ORC5: variants seen among roughly 807,000 people sequenced by gnomAD.
ORC5 encodes the protein origin recognition complex subunit 5, also known as protein phosphatase 1, regulatory subunit 117.
In ORC5, 39 loss-of-function variants were observed where a neutral mutation model predicts 58.8. The observed-to-expected ratio is 0.66, with a 90% CI of 0.51 to 0.87. The LOEUF (loss-of-function observed/expected upper bound fraction) is 0.87. ORC5 is among the 40% of genes least tolerant of loss of function. The pLI is 0.00. For synonymous variants in ORC5, 218 were observed against 177.6 expected, an observed-to-expected ratio of 1.23 and a Z score of -1.81; for missense variants, 493 against 506.3, an observed-to-expected ratio of 0.97 and a Z score of 0.25.
At position 104,190,226 on chromosome 7, in the gene ORC5, C is replaced by T. The variant is rs139818993; in HGVS notation, c.554-1845G>A. Among the ~76,000 whole-genome samples, 817 of 151,892 alleles carry T rather than the reference C, an allele frequency of 5.4e-3. 10 individuals are homozygous for T. Among genetic ancestry groups the T allele is most frequent in the African/African-American group, 0.019 (774 of 41,442 alleles). Reference sequence around the variant, plus strand: ...AAGAAAATCTCAACAACCTTATTACCGGCAAAATCAGTAACAAGGGAAAAA... The same window carrying T: ...AAGAAAATCTCAACAACCTTATTACTGGCAAAATCAGTAACAAGGGAAAAA... On this transcript the variant is annotated intron_variant, in intron 5 of 13. Coordinates refer to ENST00000297431, the MANE Select transcript of ORC5 (RefSeq NM_002553.4).
chr7:104,147,948 T>C (rs1305993193), intron 12 of ORC5, among the ~76,000 whole-genome samples: 1 of 152,174 alleles, frequency 6.6e-6, no homozygotes, highest in Non-Finnish European at 1.5e-5. Context: ...CATATGTGTT[T>C]TGGCATTTAC....
chr7:104,127,993 T>TA (rs1798455691), intron 13 of ORC5, among the ~76,000 whole-genome samples: 1 of 152,164 alleles, frequency 6.6e-6, no homozygotes, highest in Admixed American at 6.5e-5. Flanking sequence ...CTAAAAAGTT[T>TA]AAAAAAAATC....
At chr7:104,175,663 G>T (rs991850190) in intron 8 of ORC5, among the ~76,000 whole-genome samples, 1 of 152,188 alleles carries the variant, frequency 6.6e-6, no homozygotes, top group African/African-American at 2.4e-5. Flanking sequence ...CTTGAGCTCA[G>T]AGCAATAATA....
At chr7:104,173,845 C>CTT (rs71154394) in intron 8 of ORC5, among the ~76,000 whole-genome samples, 6,405 of 110,766 alleles carry the variant, frequency 0.058, 614 homozygotes, top group African/African-American at 0.23. Flanking sequence ...AAAATTTTTT[C>CTT]TTTTTTTTTT....
intron 12 of ORC5, among the ~76,000 whole-genome samples, chr7:104,150,309 A>C (rs1299225329): frequency 6.6e-6 from 1 of 152,138 alleles, no homozygotes; most frequent in Non-Finnish European, 1.5e-5. Context: ...AAACATATTA[A>C]ATTATTTAAA....
chr7:104,162,770 T>C (rs903964949), intron 11 of ORC5, among the ~76,000 whole-genome samples: 3 of 152,200 alleles, frequency 2.0e-5, no homozygotes, highest in African/African-American at 7.2e-5. Flanking sequence ...TTAGATCACA[T>C]TACAGATAAG....
chr7:104,143,023 T>G (rs1482919379), intron 12 of ORC5, among the ~76,000 whole-genome samples: 1 of 152,214 alleles, frequency 6.6e-6, no homozygotes, highest in East Asian at 1.9e-4. Flanking sequence ...AACATAGTCT[T>G]TTATTGCTAA....
intron 13 of ORC5, among the ~76,000 whole-genome samples, chr7:104,131,548 A>C (rs901112616): frequency 3.9e-5 from 6 of 152,194 alleles, no homozygotes; most frequent in Non-Finnish European, 8.8e-5. Flanking sequence ...TAACCCCTTC[A>C]GCAGTTATAA....
chr7:104,163,489 G>C (rs1250241148), intron 11 of ORC5, among the ~76,000 whole-genome samples: 3 of 152,028 alleles, frequency 2.0e-5, no homozygotes, highest in Non-Finnish European at 4.4e-5. Context: ...GTTTTGTTTT[G>C]TTTGTTTGTC....
intron 11 of ORC5, among the ~76,000 whole-genome samples, chr7:104,164,151 A>G (rs1305452402): frequency 4.6e-5 from 7 of 152,134 alleles, no homozygotes; most frequent in Non-Finnish European, 1.0e-4. Context: ...TGGGCATGGT[A>G]GCTCATGCCT....
chr7:104,147,668 T>A (rs1185974569), intron 12 of ORC5, among the ~76,000 whole-genome samples: 1 of 152,124 alleles, frequency 6.6e-6, no homozygotes, highest in African/African-American at 2.4e-5. Flanking sequence ...AATCCAAAAG[T>A]CCCAATGAAA....
At chr7:104,207,802 C>T (rs372158625) in intron 1 of ORC5, 31 bp downstream of exon 1, 1 of 1,598,428 alleles carries the variant, frequency 6.3e-7, no homozygotes, top group Admixed American at 1.7e-5. Context: ...CGTCTGCCTC[C>T]AGGATCTGGA....
At chr7:104,188,059 C>T in intron 6 of ORC5, 192 bp downstream of exon 6, 1 of 993,492 alleles carries the variant, frequency 1.0e-6, no homozygotes. Context: ...TACTAACCCA[C>T]AGACATCTAC....
intron 8 of ORC5, among the ~76,000 whole-genome samples, chr7:104,172,982 T>TAAAAA (rs57266058): frequency 7.0e-6 from 1 of 142,892 alleles, no homozygotes. Flanking sequence ...CTTTCCAGGT[T>TAAAAA]AAAAAAAAAA....
rs1295203353 is a variant in ORC5, at chr7:104,133,597, T to C, written c.1262+3184A>G. ...ACAGCAATAAAGGTCAAGAATATTA[T>C]AAAAAATAGGTCTGGTCTTTAAAAA... On this transcript the variant is annotated intron_variant, in intron 13 of 13. Coordinates refer to ENST00000297431, the MANE Select transcript of ORC5 (RefSeq NM_002553.4). The surrounding 1 kb of genome is among the most constrained non-coding windows in gnomAD (Gnocchi z 4.7). Among the ~76,000 whole-genome samples the C allele has an allele frequency of 6.6e-6, 1 of 152,038 alleles. No individual in the cohort carries two copies. Among genetic ancestry groups the C allele is most frequent in the African/African-American group, 2.4e-5 (1 of 41,342 alleles).
intron 8 of ORC5, 71 bp from the exon 9 acceptor site, chr7:104,168,596 C>A (rs954670755): frequency 7.3e-6 from 7 of 958,248 alleles, no homozygotes; most frequent in Admixed American, 5.6e-5. Flanking sequence ...TAAAACAGAG[C>A]CCTAGAAAAA....
At position 104,173,838 on chromosome 7, in the gene ORC5, A is replaced by ATTTTTTTTTTTTTTTTTTTTTTTT. The variant is rs746698932; in HGVS notation, c.825-5314_825-5313insAAAAAAAAAAAAAAAAAAAAAAAA. 2.4e-5 allele frequency among the ~76,000 whole-genome samples: 3 copies of ATTTTTTTTTTTTTTTTTTTTTTTT among 122,756 alleles called. 1 individual carries two copies. The highest frequency in any genetic ancestry group is 5.7e-5 in the African/African-American group (2 of 34,992). 80.5% of individuals were successfully genotyped at this position (122,756 alleles called of 152,430 possible). On this transcript the variant is annotated intron_variant, in intron 8 of 13. Transcript: ENST00000297431. ...TTTAATCTGCATACCTGGGTTTAAAATTTTTTCTTTTTTTTTTTTTTTTTG... is the reference window on the plus strand; with the variant it reads ...TTTAATCTGCATACCTGGGTTTAAAATTTTTTTTTTTTTTTTTTTTTTTTTTTTTTCTTTTTTTTTTTTTTTTTG...
Position 104,138,001 on chromosome 7 carries a change from T to C in ORC5, c.1150-1108A>G, listed in dbSNP as rs937876935. On this transcript the variant is annotated intron_variant, in intron 12 of 13. Coordinates refer to ENST00000297431, the MANE Select transcript of ORC5 (RefSeq NM_002553.4). The surrounding 1 kb of genome is among the most constrained non-coding windows in gnomAD (Gnocchi z 4.7). The stretch of plus-strand genomic sequence containing the variant: ...CACACTGTAACACGCCCACTGCGGC[T>C]TCAGGAGCTGTAAGCATTCATCCCT... Among the ~76,000 whole-genome samples, 3 of 152,196 alleles carry C rather than the reference T, an allele frequency of 2.0e-5. No individual in the cohort carries two copies. Among genetic ancestry groups the C allele is most frequent in the Non-Finnish European group, 4.4e-5 (3 of 68,038 alleles).
chr7:104,142,175 T>C (rs979195494), intron 12 of ORC5, among the ~76,000 whole-genome samples: 2 of 152,140 alleles, frequency 1.3e-5, no homozygotes, highest in African/African-American at 4.8e-5. Flanking sequence ...CTGGAAATAT[T>C]GGATATCCAC....
Sources: gnomAD v4.1 joint callset for allele counts (sites outside exome capture counted in the v4.1 genomes callset) on GRCh38, gnomAD v4.1.1 for gene constraint, Gnocchi (gnomAD v3.1) non-coding constraint, MANE v1.5 for transcripts, NCBI Gene and HGNC (gene_info 2026-07-23, HGNC 2026-07-21) for gene names.